The following WDR7 variants were observed in gnomAD, a reference collection of about 807,000 sequenced individuals.
WDR7 encodes the protein WD repeat domain 7.
Under a neutral mutation model 169.4 loss-of-function variants are expected in WDR7, and 46 were observed. The ratio of observed to expected loss-of-function variants is 0.27; its 90% CI spans 0.21 to 0.35. The LOEUF (loss-of-function observed/expected upper bound fraction) is 0.35, where lower values mean the gene tolerates loss of function less well. Ranked by LOEUF, WDR7 falls within the 10% of genes least tolerant of loss-of-function variation. The probability of loss-of-function intolerance (pLI) is 1.00; values close to 1 mark genes in which losing one functional copy is unlikely to be tolerated. For missense variants in WDR7, 1,534 were observed against 1,859.3 expected, an observed-to-expected ratio of 0.83 and a Z score of 3.22; for synonymous variants, 612 against 666.8, an observed-to-expected ratio of 0.92 and a Z score of 1.27.
At chr18:56,757,596 G>A (rs2043913797) in intron 15 of WDR7, among the ~76,000 whole-genome samples, 1 of 152,080 alleles carries the variant, frequency 6.6e-6, no homozygotes, top group South Asian at 2.1e-4. Context: ...GAATGAGGGA[G>A]TTGGTCATAT....
intron 21 of WDR7, among the ~76,000 whole-genome samples, chr18:56,883,511 T>A (rs1226992245): frequency 6.6e-6 from 1 of 151,960 alleles, no homozygotes; most frequent in East Asian, 1.9e-4. Context: ...TTTTTTGTTT[T>A]TTTTTTTTAA....
In WDR7 at chr18:56,924,085, C is replaced by T. The variant is rs200411437; in HGVS notation, c.3690C>T (p.Ala1230=). Residue 1230 remains alanine (A), a synonymous_variant, in exon 22 of 28, where the codon GCC becomes GCT. Transcript: ENST00000254442. ...AVLMGLLELC[A]DAEKQLANIT... ...TGATGGGGCTTCTCGAACTTTGTGCCGATGCCGAGAAACAACTTGCCAAGT... is the reference window on the plus strand; with the variant it reads ...TGATGGGGCTTCTCGAACTTTGTGCTGATGCCGAGAAACAACTTGCCAAGT... The T allele has an allele frequency of 6.0e-5, 97 of 1,612,048 alleles. No individual in the cohort carries two copies. Among genetic ancestry groups the T allele is most frequent in the Non-Finnish European group, 7.4e-5 (87 of 1,179,432 alleles).
At chr18:56,773,722 T>A (rs1470857310) in intron 16 of WDR7, among the ~76,000 whole-genome samples, 2 of 152,112 alleles carry the variant, frequency 1.3e-5, no homozygotes, top group Non-Finnish European at 2.9e-5. Context: ...AAAATGCCCA[T>A]CTACCTAAAA....
At chr18:56,861,111 C>T (rs975690311) in intron 20 of WDR7, among the ~76,000 whole-genome samples, 9 of 113,162 alleles carry the variant, frequency 8.0e-5, no homozygotes, top group African/African-American at 2.9e-4. Flanking sequence ...CGTGAAACAG[C>T]GAAAGTACAG....
chr18:56,881,285 A>G (rs990768317), intron 21 of WDR7, among the ~76,000 whole-genome samples: 7 of 152,196 alleles, frequency 4.6e-5, no homozygotes, highest in Non-Finnish European at 5.9e-5. Flanking sequence ...AATTTAAACA[A>G]TACCACCACC....
intron 21 of WDR7, among the ~76,000 whole-genome samples, chr18:56,913,886 G>T (rs369555162): frequency 1.3e-5 from 2 of 152,246 alleles, no homozygotes; most frequent in Non-Finnish European, 2.9e-5. Context: ...TGCCTGAGCC[G>T]TTGGGAGCCT....
rs575091480 is a variant in WDR7, at chr18:56,653,846, C to T, written c.-20+2270C>T. Among the ~76,000 whole-genome samples the T allele has an allele frequency of 2.6e-5, 4 of 152,210 alleles. No homozygotes were observed. The South Asian group carries it at 8.3e-4, about 32-fold the overall frequency. ...TACAGATAATACTATGATAAGCATACATTTTAGACCTCTGTGATACTTTCA... is the reference window on the plus strand; with the variant it reads ...TACAGATAATACTATGATAAGCATATATTTTAGACCTCTGTGATACTTTCA... On this transcript the variant is annotated intron_variant, in intron 1 of 27. Coordinates refer to ENST00000254442, the MANE Select transcript of WDR7 (RefSeq NM_015285.3).
At chr18:56,860,655 C>T (rs1289806803) in intron 20 of WDR7, among the ~76,000 whole-genome samples, 1 of 152,074 alleles carries the variant, frequency 6.6e-6, no homozygotes, top group African/African-American at 2.4e-5. Context: ...ATATAATAAT[C>T]CTTTTAATTT....
In WDR7 at chr18:57,027,550, A is replaced by G. The variant is rs1421661026; in HGVS notation, c.*343A>G. 3.1e-6 allele frequency: 1 copy of G among 322,324 alleles called. No homozygotes were observed. Among genetic ancestry groups the G allele is most frequent in the Non-Finnish European group, 5.8e-6 (1 of 172,232 alleles). 20.0% of individuals were successfully genotyped at this position (322,324 alleles called of 1,614,324 possible). On this transcript the variant is annotated 3_prime_UTR_variant, in exon 28 of 28. Coordinates refer to ENST00000254442, the MANE Select transcript of WDR7 (RefSeq NM_015285.3). ...AAAAATCAATAAACACTGTGATTGCACTCCCAGCCCAGATCAGCATTTTTA... is the reference window on the plus strand; with the variant it reads ...AAAAATCAATAAACACTGTGATTGCGCTCCCAGCCCAGATCAGCATTTTTA...
chr18:56,921,497 C>T (rs144606000), intron 21 of WDR7, among the ~76,000 whole-genome samples: 6 of 152,224 alleles, frequency 3.9e-5, no homozygotes, highest in African/African-American at 1.4e-4. Flanking sequence ...CTTATGAGAT[C>T]GTTGAGTGAA....
At chr18:56,764,595 T>C (rs985870292) in intron 16 of WDR7, among the ~76,000 whole-genome samples, 16 of 152,136 alleles carry the variant, frequency 1.1e-4, no homozygotes, top group African/African-American at 3.9e-4. Flanking sequence ...ATATAATACA[T>C]TGTTACTAAC....
chr18:56,951,900 G>T (rs1172806469), intron 25 of WDR7, among the ~76,000 whole-genome samples: 1 of 151,982 alleles, frequency 6.6e-6, no homozygotes, highest in Non-Finnish European at 1.5e-5. Flanking sequence ...ATCAATATTT[G>T]CCATATTAGA....
intron 12 of WDR7, among the ~76,000 whole-genome samples, chr18:56,698,734 C>T (rs12953387): frequency 0.73 from 110,398 of 152,152 alleles, 44,191 homozygotes; most frequent in East Asian, 0.96. Context: ...AGAATGGGCT[C>T]GCTACTAAAC....
At chr18:56,703,252 T>A (rs116335729) in intron 12 of WDR7, among the ~76,000 whole-genome samples, 4,965 of 152,288 alleles carry the variant, frequency 0.033, 268 homozygotes, top group African/African-American at 0.11. Context: ...TGACTGTGTG[T>A]ATACCAGTGT....
At position 56,978,300 on chromosome 18, in the gene WDR7, A is replaced by G. The variant is rs149878335; in HGVS notation, c.4164+15771A>G. On this transcript the variant is annotated intron_variant, in intron 26 of 27. Transcript: ENST00000254442. ...AGCCCAAGTTTATTAGGGATAAGAC[A>G]ATTTTTTAAAAAACCTGTCAATGTC... is the stretch of plus-strand genomic sequence containing the variant. Among the ~76,000 whole-genome samples, 633 of 152,324 alleles carry G rather than the reference A, an allele frequency of 4.2e-3. 4 individuals carry two copies. The highest frequency in any genetic ancestry group is 0.015 in the African/African-American group (607 of 41,574).
At chr18:56,721,999 T>G (rs753853517) in intron 13 of WDR7, among the ~76,000 whole-genome samples, 1 of 152,228 alleles carries the variant, frequency 6.6e-6, no homozygotes, top group Admixed American at 6.5e-5. Context: ...CTTTTTATGT[T>G]CTGCACTCCA....
intron 12 of WDR7, among the ~76,000 whole-genome samples, chr18:56,702,236 A>G (rs2025849994): frequency 6.6e-6 from 1 of 152,128 alleles, no homozygotes; most frequent in Non-Finnish European, 1.5e-5. Flanking sequence ...CCTCCCTCCC[A>G]GTTTATTTTA....
intron 22 of WDR7, among the ~76,000 whole-genome samples, chr18:56,927,558 G>T (rs1047679060): frequency 6.6e-6 from 1 of 152,116 alleles, no homozygotes; most frequent in African/African-American, 2.4e-5. Flanking sequence ...AGGTTGCAGT[G>T]AGCCATGATC....
chr18:56,880,015 G>A lies in WDR7; in HGVS notation c.3376G>A (p.Ala1126Thr), dbSNP rs753675297. ...CGAGGAAAGACGGAAGCAAGCTACC[G>A]CTATTGTTTTACTTGGAGTAATAGG... ...SYEERRKQATAIVLLGVIGAE... is the reference protein window; with the variant it reads ...SYEERRKQATTIVLLGVIGAE... The change falls in exon 21 of 28, where the codon GCT becomes ACT. Residue 1126 changes from alanine (A) to threonine (T), a missense_variant. Ala to Thr is a moderately conservative substitution (Grantham distance 58). Coordinates refer to ENST00000254442, the MANE Select transcript of WDR7 (RefSeq NM_015285.3). 9.9e-6 allele frequency: 16 copies of A among 1,614,040 alleles called. No homozygotes were observed. The highest frequency in any genetic ancestry group is 2.2e-5 in the East Asian group (1 of 44,876).
Sources: gnomAD v4.1 joint callset for allele counts (sites outside exome capture counted in the v4.1 genomes callset) on GRCh38, gnomAD v4.1.1 for gene constraint, MANE v1.5 for transcripts, NCBI Gene and HGNC (gene_info 2026-07-23, HGNC 2026-07-21) for gene names.